Variants in NOTCH2 observed in about 807,000 individuals in gnomAD.
NOTCH2 encodes neurogenic locus notch homolog protein 2.
A neutral mutation model predicts 235.8 loss-of-function variants in NOTCH2; 29 were observed. The observed-to-expected ratio is 0.12, with a 90% confidence interval of 0.09 to 0.17. NOTCH2 has a LOEUF of 0.17. Among genes scored for constraint, NOTCH2 ranks in the 10% least tolerant of loss-of-function variants. The pLI, the probability that NOTCH2 is intolerant of heterozygous loss-of-function variation, is 1.00. For synonymous variants in NOTCH2, 1,086 were observed against 1,141.5 expected (o/e 0.95, Z 0.98); for missense variants, 2,285 against 3,150.2 (o/e 0.73, Z 6.57).
chr1:119,939,330 C>T (rs998055751), intron 19 of NOTCH2, among the ~76,000 whole-genome samples: 4 of 152,100 alleles, frequency 2.6e-5, no homozygotes, highest in African/African-American at 9.7e-5. Flanking sequence ...TCAGGGAAAC[C>T]CAACAGGTTA....
chr1:119,996,061 G>A (rs1553204041), intron 4 of NOTCH2: 1 of 153,762 alleles, frequency 6.5e-6, no homozygotes, highest in East Asian at 1.9e-4. Context: ...TTTTGTTTTT[G>A]TACTAAGGAT....
In NOTCH2 at chr1:119,922,721, G is replaced by A. The variant is rs2101156313; in HGVS notation, c.4917C>T (p.Cys1639=). The A allele has an allele frequency of 6.2e-7, 1 of 1,614,220 alleles. No homozygotes were observed. The highest frequency in any genetic ancestry group is 8.5e-7 in the Non-Finnish European group (1 of 1,180,040). Residue 1639 remains cysteine, a synonymous_variant, in exon 27 of 34, where the codon TGC becomes TGT. Transcript: ENST00000256646. ...NRQCVQDSDH[C]FKNTDAAAAL... is the part of the protein sequence containing the mutation. ...CTGCTGCTGCATCCGTGTTCTTGAA[G>A]CAGTGGTCTGAGTCTTGAACACACT... is the stretch of plus-strand genomic sequence containing the variant.
intron 2 of NOTCH2, among the ~76,000 whole-genome samples, chr1:120,023,969 CTT>C (rs1350737579): frequency 3.3e-5 from 5 of 152,004 alleles, no homozygotes; most frequent in Non-Finnish European, 7.4e-5. Flanking sequence ...ATAAATAACT[CTT>C]GAATTAATAA....
chr1:119,918,029 TTACA>T (rs1649148908), intron 32 of NOTCH2, among the ~76,000 whole-genome samples: 1 of 152,184 alleles, frequency 6.6e-6, no homozygotes, highest in African/African-American at 2.4e-5. Context: ...ATCTACCCTG[TTACA>T]TACTGAAGAT....
intron 17 of NOTCH2, among the ~76,000 whole-genome samples, chr1:119,945,105 T>C (rs1553196901): frequency 6.6e-6 from 1 of 152,158 alleles, no homozygotes; most frequent in African/African-American, 2.4e-5. Flanking sequence ...AATGTGAGTG[T>C]ACAGCTCTTC....
At position 119,948,628 on chromosome 1, in the gene NOTCH2, G is replaced by A. The variant is rs1327243757; in HGVS notation, c.2600-62C>T. 14 of 1,590,454 alleles carry A rather than the reference G, an allele frequency of 8.8e-6. 1 individual carries two copies. Among genetic ancestry groups the A allele is most frequent in the South Asian group, 2.2e-5 (2 of 90,370 alleles). On this transcript the variant is annotated intron_variant, in intron 16 of 33. Coordinates refer to ENST00000256646, the MANE Select transcript of NOTCH2 (RefSeq NM_024408.4). ...GAAGCTGATTCCCACAAAAATCTAC[G>A]CAGGACCTGAGCTTAGTTGGGGTGC...
intron 2 of NOTCH2, among the ~76,000 whole-genome samples, chr1:120,027,562 A>AC (rs1465187716): frequency 6.6e-6 from 1 of 150,960 alleles, no homozygotes; most frequent in Non-Finnish European, 1.5e-5. Context: ...GCACCTATCA[A>AC]CCCGTCATCC....
intron 5 of NOTCH2, among the ~76,000 whole-genome samples, chr1:119,976,787 T>C (rs1266284337): frequency 6.6e-6 from 1 of 152,094 alleles, no homozygotes; most frequent in Non-Finnish European, 1.5e-5. Flanking sequence ...CTTTTTTCAT[T>C]TCTCAAAATG....
intron 1 of NOTCH2, among the ~76,000 whole-genome samples, chr1:120,041,041 CAAAAAAAAAAAAAAAA>C (rs71586698): frequency 3.8e-3 from 59 of 15,584 alleles, no homozygotes; most frequent in South Asian, 0.024. Flanking sequence ...ACTCTGCCTG[CAAAAAAAAAAAAAAAA>C]AAAAAAAAAA....
In NOTCH2 at chr1:119,958,714, ATGTGTGTG is replaced by A. The variant is rs10546889; in HGVS notation, c.2026+670_2026+677del. On this transcript the variant is annotated intron_variant, in intron 12 of 33. Transcript: ENST00000256646. The stretch of plus-strand genomic sequence containing the variant: ...ATATTGACAAGTAAAGAGAGAGAAG[ATGTGTGTG>A]TGTGTGTGTGTGTGTGTGTCTGTGT... 2.1e-3 allele frequency among the ~76,000 whole-genome samples: 309 copies of A among 149,862 alleles called. 1 individual carries two copies. The highest frequency in any genetic ancestry group is 6.0e-3 in the African/African-American group (247 of 40,992).
rs140630687 is a variant in NOTCH2 at position 119,937,408 on chromosome 1, C to A, written c.3396G>T (p.Thr1132=). The A allele has an allele frequency of 8.6e-5, 138 of 1,613,990 alleles. No individual in the cohort carries two copies. The highest frequency in any genetic ancestry group is 1.1e-4 in the Non-Finnish European group (135 of 1,180,048). The change falls in exon 21 of 34, where the codon ACG becomes ACT. Residue 1132 remains threonine, a synonymous_variant. Coordinates refer to ENST00000256646, the MANE Select transcript of NOTCH2 (RefSeq NM_024408.4). ...AGCCCAGGGGGCACTGACAGTAATG[C>A]GTGTTGCCAGCATTGATGCAGACAC... The part of the protein sequence containing the change: ...HSGVCINAGN[T]HYCQCPLGYT...
At chr1:120,010,993 C>T (rs1653168464) in intron 2 of NOTCH2, among the ~76,000 whole-genome samples, 2 of 152,234 alleles carry the variant, frequency 1.3e-5, no homozygotes, top group Admixed American at 6.5e-5. Context: ...TGAAAACATG[C>T]TAAGTGAAAG....
chr1:119,967,207 G>C (rs930682440), intron 8 of NOTCH2, among the ~76,000 whole-genome samples: 1 of 152,210 alleles, frequency 6.6e-6, no homozygotes, highest in South Asian at 2.1e-4. Flanking sequence ...GATATAACAG[G>C]CTTGTTTAAT....
At chr1:119,955,832 T>A (rs992282361) in intron 12 of NOTCH2, among the ~76,000 whole-genome samples, 1 of 152,238 alleles carries the variant, frequency 6.6e-6, no homozygotes. Flanking sequence ...TGTCTTCTGA[T>A]ATTAGAGAAA....
intron 1 of NOTCH2, among the ~76,000 whole-genome samples, chr1:120,067,671 T>A (rs1298355691): frequency 6.6e-6 from 1 of 152,240 alleles, no homozygotes; most frequent in Non-Finnish European, 1.5e-5. Flanking sequence ...TCATTGATCA[T>A]ACTCCTCTCT....
At chr1:119,970,059 T>A (rs1001219749) in intron 5 of NOTCH2, among the ~76,000 whole-genome samples, 8 of 151,950 alleles carry the variant, frequency 5.3e-5, no homozygotes, top group Admixed American at 3.9e-4. Flanking sequence ...TCAATGAACA[T>A]ATAAGTAAGA....
At chr1:119,961,647 A>T (rs1553198982) in intron 11 of NOTCH2, among the ~76,000 whole-genome samples, 1 of 152,204 alleles carries the variant, frequency 6.6e-6, no homozygotes, top group Non-Finnish European at 1.5e-5. Context: ...TTTGTAAATG[A>T]TGACTTAAAC....
At position 119,915,563 on chromosome 1, in the gene NOTCH2, G is replaced by A. The variant is rs1193431892; in HGVS notation, c.7159C>T (p.Pro2387Ser). The change falls in exon 34 of 34, where the codon CCT (proline) becomes TCT (serine). Residue 2387 changes from proline to serine, a missense_variant. Transcript: ENST00000256646. The stretch of plus-strand genomic sequence containing the variant: ...GAGGAAGCATAACTGTGCTGTGAAG[G>A]GGGTGTGGGGTACTTGCCCACAGAG... Reference protein sequence around the residue: ...PASVGKYPTPPSQHSYASSNA... With the variant: ...PASVGKYPTPSSQHSYASSNA... 1.2e-6 allele frequency: 2 copies of A among 1,614,086 alleles called. No homozygotes were observed. The highest frequency in any genetic ancestry group is 1.7e-5 in the Admixed American group (1 of 60,038).
At chr1:119,942,923 A>C (rs1462697410) in intron 17 of NOTCH2, among the ~76,000 whole-genome samples, 1 of 137,608 alleles carries the variant, frequency 7.3e-6, no homozygotes, top group African/African-American at 2.8e-5. Context: ...CCCCGGCTGG[A>C]GTGCAGTGGC....
Sources: allele counts gnomAD v4.1 joint callset (sites outside exome capture counted in the v4.1 genomes callset), GRCh38; gene constraint gnomAD v4.1.1; transcripts MANE v1.5; gene names NCBI Gene and HGNC (gene_info 2026-07-23, HGNC 2026-07-21).